The following CCDC110 variants were observed in gnomAD, a reference collection of about 807,000 sequenced individuals.
CCDC110 encodes the protein coiled-coil domain-containing protein 110.
Under a neutral mutation model 77.1 loss-of-function variants are expected in CCDC110, and 70 were observed. The observed-to-expected ratio is 0.91, with a 90% CI of 0.75 to 1.11. The LOEUF is 1.11. Among genes scored for constraint, CCDC110 ranks in the 50% least tolerant of loss-of-function variants. The pLI is 0.00. For synonymous variants in CCDC110, 295 were observed against 312.5 expected (o/e 0.94, Z 0.59); for missense variants, 868 against 942.9 (o/e 0.92, Z 1.04).
intron 4 of CCDC110, among the ~76,000 whole-genome samples, chr4:185,461,993 G>A (rs2095647262): frequency 6.6e-6 from 1 of 152,166 alleles, no homozygotes; most frequent in Non-Finnish European, 1.5e-5. Context: ...AGCTACTCAG[G>A]AGGCTGAGGC....
At chr4:185,452,794 C>T (rs2095630887) in intron 6 of CCDC110, among the ~76,000 whole-genome samples, 1 of 148,650 alleles carries the variant, frequency 6.7e-6, no homozygotes, top group African/African-American at 2.5e-5. Flanking sequence ...ACTGGGGAAG[C>T]TGAGGCAGGA....
chr4:185,446,739 G>A (rs1265720899), intron 6 of CCDC110, among the ~76,000 whole-genome samples: 1 of 152,074 alleles, frequency 6.6e-6, no homozygotes, highest in Non-Finnish European at 1.5e-5. Context: ...TTTTTGTGAT[G>A]TACATGATTT....
In CCDC110 at chr4:185,468,779, C is replaced by A. The variant is rs73012194; in HGVS notation, c.115+2166G>T. ...CTGCCACTCCAAATATTCCTCCCCC[C>A]CTTCTCAGCCTTATGTTCTCCATAG... On this transcript the variant is annotated intron_variant, in intron 2 of 6. Coordinates refer to ENST00000307588, the MANE Select transcript of CCDC110 (RefSeq NM_152775.4). The surrounding 1 kb of genome is among the most constrained non-coding windows in gnomAD (Gnocchi z 4.5). 3.0e-4 allele frequency among the ~76,000 whole-genome samples: 45 copies of A among 152,252 alleles called. No homozygotes were observed. Among genetic ancestry groups the A allele is most frequent in the African/African-American group, 1.0e-3 (43 of 41,504 alleles).
Position 185,471,526 on chromosome 4 carries a change from T to A in CCDC110, c.10+148A>T, listed in dbSNP as rs948441302. ...GGGGGCCGCAGCGGGTGCTCAGCCCTAGGGCCGAGCGGGAGATGTGCGGCG... is the reference window on the plus strand; with the variant it reads ...GGGGGCCGCAGCGGGTGCTCAGCCCAAGGGCCGAGCGGGAGATGTGCGGCG... On this transcript the variant is annotated intron_variant, in intron 1 of 6. Transcript: ENST00000307588. The A allele has an allele frequency of 3.3e-6, 3 of 907,556 alleles. No individual in the cohort carries two copies. In the African/African-American group the frequency reaches 5.2e-5, roughly 16 times the overall value. 56.2% of individuals were successfully genotyped at this position (907,556 alleles called of 1,614,324 possible). A position where few individuals can be genotyped will look rare whatever the true frequency, so the allele number is the denominator to read the frequency against.
chr4:185,466,979 G>A (rs1306910138), intron 2 of CCDC110, among the ~76,000 whole-genome samples: 1 of 152,216 alleles, frequency 6.6e-6, no homozygotes, highest in Non-Finnish European at 1.5e-5. Context: ...CAAATGTGAA[G>A]GGTGAGAATG....
intron 6 of CCDC110, among the ~76,000 whole-genome samples, chr4:185,453,336 T>C (rs1004090833): frequency 1.3e-5 from 2 of 152,232 alleles, no homozygotes; most frequent in Non-Finnish European, 2.9e-5. Context: ...AACTTAATTT[T>C]CCAAAAGTGA....
intron 2 of CCDC110, among the ~76,000 whole-genome samples, chr4:185,465,562 C>T (rs2095654042): frequency 6.6e-6 from 1 of 152,178 alleles, no homozygotes; most frequent in Non-Finnish European, 1.5e-5. Context: ...TTATGCAGAG[C>T]CTCCAGGCCA....
chr4:185,449,799 CTAG>C, intron 6 of CCDC110: 1 of 507,922 alleles, frequency 2.0e-6, no homozygotes, highest in Non-Finnish European at 3.5e-6. Context: ...TTTAATACTA[CTAG>C]TTAATAAATA....
intron 2 of CCDC110, among the ~76,000 whole-genome samples, chr4:185,470,021 G>C (rs1382594314): frequency 1.3e-5 from 2 of 152,178 alleles, no homozygotes; most frequent in Admixed American, 6.5e-5. Context: ...TCTGAGAGGC[G>C]TGTAGTCAGT....
At chr4:185,455,486 C>G (rs2095634689) in intron 6 of CCDC110, among the ~76,000 whole-genome samples, 1 of 152,136 alleles carries the variant, frequency 6.6e-6, no homozygotes, top group Non-Finnish European at 1.5e-5. Flanking sequence ...ATATCAGAGA[C>G]TTTAGAACAA....
intron 3 of CCDC110, 131 bp downstream of exon 3, chr4:185,462,863 C>A: frequency 9.7e-7 from 1 of 1,026,978 alleles, no homozygotes. Context: ...GCTAACTCCC[C>A]AATGTGCTTT....
chr4:185,454,581 G>A (rs62345627), intron 6 of CCDC110, among the ~76,000 whole-genome samples: 16,401 of 151,924 alleles, frequency 0.11, 1,050 homozygotes, highest in Middle Eastern at 0.2. Flanking sequence ...GGGCATGGTG[G>A]CACATGCCTG....
chr4:185,470,795 G>A, intron 2 of CCDC110, 150 bp downstream of exon 2: 1 of 741,094 alleles, frequency 1.3e-6, no homozygotes, highest in Non-Finnish European at 2.5e-6. Context: ...TACGTGCTTA[G>A]AACAGCACTG....
chr4:185,457,087 G>A (rs1204215250), intron 6 of CCDC110: 1 of 341,632 alleles, frequency 2.9e-6, no homozygotes, highest in African/African-American at 2.2e-5. Context: ...GTTTATCCCA[G>A]GAATTCAAGG....
At chr4:185,461,506 C>G (rs189713377) in intron 4 of CCDC110, among the ~76,000 whole-genome samples, 1 of 152,174 alleles carries the variant, frequency 6.6e-6, no homozygotes, top group East Asian at 1.9e-4. Flanking sequence ...TATTTCCCTG[C>G]AGGTGCTTTT....
chr4:185,458,776 T>C lies in CCDC110; in HGVS notation c.1811A>G (p.Asn604Ser). ...QLLKEKSSLGNELKESQLEII... is the reference protein window; with the variant it reads ...QLLKEKSSLGSELKESQLEII... ...CTCTAGCTGGCTTTCTTTTAGTTCA[T>C]TTCCAAGTGAGCTTTTTTCTTTTAG... The change falls in exon 6 of 7, where the codon AAT becomes AGT. Residue 604 changes from asparagine (N) to serine (S), a missense_variant. By Grantham distance (46) the Asn-to-Ser change is conservative (BLOSUM62 1). Transcript: ENST00000307588. The C allele has an allele frequency of 6.2e-7, 1 of 1,610,938 alleles. No homozygotes were observed. The highest frequency in any genetic ancestry group is 8.5e-7 in the Non-Finnish European group (1 of 1,179,320).
At position 185,459,437 on chromosome 4, in the gene CCDC110, A is replaced by G. The variant is rs924902668; in HGVS notation, c.1150T>C (p.Phe384Leu). The stretch of plus-strand genomic sequence containing the variant: ...ATTTCATGTTTTGTTTGGTCGAGGA[A>G]GGACAGTGTGTATCTTGGAACTCTG... ...HSRVPRYTLS[F>L]LDQTKHEMKD... Residue 384 changes from phenylalanine (F) to leucine (L), a missense_variant, in exon 6 of 7, where the codon TTC (phenylalanine) becomes CTC (leucine). Phe to Leu is a conservative substitution (Grantham distance 22). Coordinates refer to ENST00000307588, the MANE Select transcript of CCDC110 (RefSeq NM_152775.4). 3 of 1,613,288 alleles carry G rather than the reference A, an allele frequency of 1.9e-6. No homozygotes were observed. Among genetic ancestry groups the G allele is most frequent in the Non-Finnish European group, 2.5e-6 (3 of 1,179,402 alleles).
intron 6 of CCDC110, chr4:185,457,837 C>A (rs756784845): frequency 6.3e-5 from 83 of 1,327,408 alleles, no homozygotes; most frequent in South Asian, 4.2e-4. Context: ...AAAAAGAATT[C>A]TTTTAAGGTG....
intron 6 of CCDC110, among the ~76,000 whole-genome samples, chr4:185,447,988 G>A (rs2095619090): frequency 6.6e-6 from 1 of 152,096 alleles, no homozygotes; most frequent in South Asian, 2.1e-4. Context: ...CTATATATAG[G>A]TTTGAAAGAA....
Sources: gnomAD v4.1 joint callset for allele counts (sites outside exome capture counted in the v4.1 genomes callset) on GRCh38, gnomAD v4.1.1 for gene constraint, Gnocchi (gnomAD v3.1) non-coding constraint, MANE v1.5 for transcripts, NCBI Gene and HGNC (gene_info 2026-07-23, HGNC 2026-07-21) for gene names.